The following OCLN variants were observed in gnomAD, a reference collection of about 807,000 sequenced individuals.
OCLN encodes occludin, also known as phosphatase 1, regulatory subunit 115.
OCLN carries 21 observed loss-of-function variants against 47.9 expected under a neutral mutation model. The ratio of observed to expected loss-of-function variants is 0.44; its 90% CI spans 0.31 to 0.63. OCLN has a LOEUF of 0.63. Ranked by LOEUF, OCLN falls within the 30% of genes least tolerant of loss-of-function variation. OCLN has a pLI of 0.08. For synonymous variants in OCLN, 117 were observed against 198.4 expected (o/e 0.59, Z 3.45); for missense variants, 360 against 571.0 (o/e 0.63, Z 3.77).
intron 4 of OCLN, among the ~76,000 whole-genome samples, chr5:69,524,807 C>T (rs770102903): frequency 5.3e-5 from 8 of 152,214 alleles, no homozygotes; most frequent in Admixed American, 2.0e-4. Flanking sequence ...CCACTTCAGC[C>T]TCCCAAGTAG....
chr5:69,514,176 C>T (rs1768863535), intron 4 of OCLN, 67 bp downstream of exon 4: 1 of 1,306,636 alleles, frequency 7.7e-7, no homozygotes, highest in South Asian at 1.2e-5. Flanking sequence ...ATTTTTAGTG[C>T]TTTGTTAAAC....
At chr5:69,495,431 T>C (rs1301312805) in intron 1 of OCLN, among the ~76,000 whole-genome samples, 1 of 152,200 alleles carries the variant, frequency 6.6e-6, no homozygotes, top group Non-Finnish European at 1.5e-5. Context: ...TCTCAGACTG[T>C]TCTGTCTTCT....
chr5:69,503,255 A>C (rs1194060846), intron 1 of OCLN, among the ~76,000 whole-genome samples: 1 of 152,042 alleles, frequency 6.6e-6, no homozygotes, highest in Non-Finnish European at 1.5e-5. Flanking sequence ...TGTCTTTCAA[A>C]TCTGGTTCAA....
At chr5:69,510,655 GC>G (rs1229770801) in intron 3 of OCLN, among the ~76,000 whole-genome samples, 1 of 152,130 alleles carries the variant, frequency 6.6e-6, no homozygotes, top group Non-Finnish European at 1.5e-5. Context: ...CTGCACTCCA[GC>G]CTGAGCGACA....
At chr5:69,497,432 G>A (rs1203556921) in intron 1 of OCLN, among the ~76,000 whole-genome samples, 1 of 138,902 alleles carries the variant, frequency 7.2e-6, no homozygotes, top group Admixed American at 8.3e-5. Flanking sequence ...TGTGTCGCCA[G>A]GCTGGAGTGC....
At chr5:69,525,619 G>A (rs1021203547) in intron 4 of OCLN, among the ~76,000 whole-genome samples, 16 of 151,996 alleles carry the variant, frequency 1.1e-4, no homozygotes, top group Admixed American at 2.6e-4. Context: ...TTGCTGAGGT[G>A]GCAAAACTCA....
intron 4 of OCLN, among the ~76,000 whole-genome samples, chr5:69,518,953 A>C (rs1176398208): frequency 6.6e-6 from 1 of 152,104 alleles, no homozygotes. Flanking sequence ...CTGGGGCAAG[A>C]AGGCAAGACC....
chr5:69,548,503 G>C lies in OCLN; in HGVS notation c.1425+402G>C, dbSNP rs1337525195. On this transcript the variant is annotated intron_variant, in intron 7 of 8. Coordinates refer to ENST00000396442, the MANE Select transcript of OCLN (RefSeq NM_001205254.2). ...TAATTTTTTGTATTTTTTTTTTTTA[G>C]TAGAGACGGGGTTTCACCATGTTAG... is the stretch of plus-strand genomic sequence containing the variant. 2.0e-5 allele frequency among the ~76,000 whole-genome samples: 3 copies of C among 148,258 alleles called. 1 individual carries two copies. The highest frequency in any genetic ancestry group is 4.5e-5 in the Non-Finnish European group (3 of 66,950).
chr5:69,532,710 G>C (rs1442832341), intron 4 of OCLN, among the ~76,000 whole-genome samples: 2 of 152,096 alleles, frequency 1.3e-5, no homozygotes, highest in African/African-American at 2.4e-5. Context: ...GCTCACGCCT[G>C]TAATCCCAGC....
Position 69,506,527 on chromosome 5 carries a change from C to T in OCLN, c.50+2233C>T, listed in dbSNP as rs115554840. Among the ~76,000 whole-genome samples the T allele has an allele frequency of 2.4e-3, 359 of 152,286 alleles. 2 individuals are homozygous for T. The highest frequency in any genetic ancestry group is 8.2e-3 in the African/African-American group (340 of 41,556). On this transcript the variant is annotated intron_variant, in intron 2 of 8. Transcript: ENST00000396442. ...GGCCATTGGTGAGCAGTTTAAGCTT[C>T]AGCCCCTCTTTCCTGTCCAGAGAGG...
intron 4 of OCLN, among the ~76,000 whole-genome samples, chr5:69,521,887 C>T (rs1177555608): frequency 3.9e-5 from 6 of 152,244 alleles, no homozygotes; most frequent in South Asian, 4.1e-4. Flanking sequence ...CTTAGTTTTC[C>T]GTGATTGTTC....
At chr5:69,514,670 G>T (rs545127768) in intron 4 of OCLN, among the ~76,000 whole-genome samples, 210 of 150,194 alleles carry the variant, frequency 1.4e-3, no homozygotes, top group African/African-American at 4.9e-3. Flanking sequence ...AGGACCCTGC[G>T]GCCTTCTGCA....
intron 4 of OCLN, among the ~76,000 whole-genome samples, chr5:69,529,521 A>C (rs186833078): frequency 5.2e-4 from 79 of 152,254 alleles, no homozygotes; most frequent in African/African-American, 1.8e-3. Flanking sequence ...ATATTCCCTA[A>C]ATTAATAATT....
At chr5:69,525,936 T>C (rs1471863963) in intron 4 of OCLN, among the ~76,000 whole-genome samples, 1 of 152,134 alleles carries the variant, frequency 6.6e-6, no homozygotes, top group African/African-American at 2.4e-5. Context: ...GAGTGAACCT[T>C]CTCACCGTTT....
chr5:69,514,128 C>T lies in OCLN; in HGVS notation c.891+19C>T. On this transcript the variant is annotated intron_variant, in intron 4 of 8. Coordinates refer to ENST00000396442, the MANE Select transcript of OCLN (RefSeq NM_001205254.2). The stretch of plus-strand genomic sequence containing the variant: ...GGAGTGGGTAAGTGTTAAAAAATAA[C>T]TTTACATCTTTTATTAAAGCCCCAA... The T allele has an allele frequency of 4.4e-6, 7 of 1,608,888 alleles. No individual in the cohort carries two copies. Among genetic ancestry groups the T allele is most frequent in the Non-Finnish European group, 6.0e-6 (7 of 1,175,392 alleles).
chr5:69,496,243 C>T (rs1212722777), intron 1 of OCLN, among the ~76,000 whole-genome samples: 4 of 151,978 alleles, frequency 2.6e-5, no homozygotes, highest in African/African-American at 7.2e-5. Flanking sequence ...GGACTACAGG[C>T]GCCTGCCACC....
At chr5:69,531,627 T>G (rs1769433406) in intron 4 of OCLN, among the ~76,000 whole-genome samples, 1 of 152,224 alleles carries the variant, frequency 6.6e-6, no homozygotes, top group African/African-American at 2.4e-5. Flanking sequence ...CTCCCTTCCC[T>G]CCTGTGGTGG....
At chr5:69,529,460 GAAAT>G (rs1324713621) in intron 4 of OCLN, among the ~76,000 whole-genome samples, 3 of 151,984 alleles carry the variant, frequency 2.0e-5, no homozygotes, top group Non-Finnish European at 2.9e-5. Flanking sequence ...TGCTATTTCG[GAAAT>G]AAATTCTTTC....
intron 4 of OCLN, among the ~76,000 whole-genome samples, chr5:69,525,726 C>G (rs940175434): frequency 6.6e-6 from 1 of 152,096 alleles, no homozygotes; most frequent in Non-Finnish European, 1.5e-5. Context: ...TAGTCTATTG[C>G]GTGATCATTA....
Sources: gnomAD v4.1 joint callset for allele counts (sites outside exome capture counted in the v4.1 genomes callset) on GRCh38, gnomAD v4.1.1 for gene constraint, MANE v1.5 for transcripts, NCBI Gene and HGNC (gene_info 2026-07-23, HGNC 2026-07-21) for gene names.